FRMD4A: variants seen among roughly 807,000 people sequenced by gnomAD.
FRMD4A encodes the protein FERM domain-containing protein 4A.
FRMD4A carries 29 observed loss-of-function variants against 129.1 expected under a neutral mutation model. The observed-to-expected ratio is 0.22, with a 90% confidence interval of 0.17 to 0.31. The LOEUF (loss-of-function observed/expected upper bound fraction) is 0.31. Ranked by LOEUF, FRMD4A falls within the 10% of genes least tolerant of loss-of-function variation. The probability of loss-of-function intolerance (pLI) is 1.00; values close to 1 mark genes in which losing one functional copy is unlikely to be tolerated. For synonymous variants in FRMD4A, 634 were observed against 571.6 expected, an observed-to-expected ratio of 1.11 and a Z score of -1.56; for missense variants, 1,272 against 1,375.8, an observed-to-expected ratio of 0.92 and a Z score of 1.19.
intron 2 of FRMD4A, among the ~76,000 whole-genome samples, chr10:14,041,615 C>T (rs757446254): frequency 3.9e-5 from 6 of 152,138 alleles, no homozygotes; most frequent in Non-Finnish European, 8.8e-5. Context: ...ATTTTCATAG[C>T]AGGACTATTC....
intron 2 of FRMD4A, among the ~76,000 whole-genome samples, chr10:14,316,417 C>T (rs1188245108): frequency 2.0e-5 from 3 of 148,430 alleles, no homozygotes; most frequent in Admixed American, 6.9e-5. Context: ...GCCCATTCCT[C>T]GATCTTGGAT....
chr10:13,896,557 A>G (rs1035805583), intron 2 of FRMD4A, among the ~76,000 whole-genome samples: 1 of 152,114 alleles, frequency 6.6e-6, no homozygotes, highest in African/African-American at 2.4e-5. Flanking sequence ...ATTAGGACAG[A>G]TACCTAATGC....
chr10:13,792,989 C>A (rs2093036167), intron 5 of FRMD4A, among the ~76,000 whole-genome samples: 1 of 152,190 alleles, frequency 6.6e-6, no homozygotes, highest in African/African-American at 2.4e-5. Context: ...TTTTCCTAAT[C>A]TGTTGAATGG....
At chr10:13,722,678 G>A (rs2089533463) in intron 12 of FRMD4A, among the ~76,000 whole-genome samples, 1 of 152,194 alleles carries the variant, frequency 6.6e-6, no homozygotes, top group Non-Finnish European at 1.5e-5. Context: ...TGGAAGTTCT[G>A]GCTGACATTT....
At chr10:13,935,883 T>C (rs1048840987) in intron 2 of FRMD4A, among the ~76,000 whole-genome samples, 2 of 151,954 alleles carry the variant, frequency 1.3e-5, no homozygotes, top group Non-Finnish European at 2.9e-5. Flanking sequence ...CAAGTCTGTC[T>C]AACTCTAGAA....
At chr10:13,771,308 C>T (rs2092448082) in intron 6 of FRMD4A, among the ~76,000 whole-genome samples, 1 of 152,010 alleles carries the variant, frequency 6.6e-6, no homozygotes, top group South Asian at 2.1e-4. Context: ...AACTCCTGGC[C>T]TCAAGCCAAC....
At chr10:13,663,189 CAAA>C (rs35995959) in intron 19 of FRMD4A, among the ~76,000 whole-genome samples, 16 of 131,060 alleles carry the variant, frequency 1.2e-4, no homozygotes, top group Non-Finnish European at 1.2e-4. Flanking sequence ...GACCCTGTCT[CAAA>C]AAAAAAAAAA....
Position 13,644,651 on chromosome 10 carries a change from G to A in FRMD4A, c.*2387C>T, listed in dbSNP as rs772617196. 1.3e-5 allele frequency: 2 copies of A among 152,210 alleles called. No individual in the cohort carries two copies. Among genetic ancestry groups the A allele is most frequent in the African/African-American group, 4.8e-5 (2 of 41,446 alleles). 9.4% of individuals were successfully genotyped at this position (152,210 alleles called of 1,614,324 possible). A position where few individuals can be genotyped will look rare whatever the true frequency, so the allele number is the denominator to read the frequency against. ...TAGATTTCAAGCTACTATGCATGAT[G>A]TAGAACATGTAACCATGTAACCTCA... is the stretch of plus-strand genomic sequence containing the variant. On this transcript the variant is annotated 3_prime_UTR_variant, in exon 25 of 25. Transcript: ENST00000357447.
At chr10:14,007,691 CTAA>C (rs1218841808) in intron 2 of FRMD4A, among the ~76,000 whole-genome samples, 1 of 152,216 alleles carries the variant, frequency 6.6e-6, no homozygotes, top group Admixed American at 6.5e-5. Flanking sequence ...CCCTGCTGCT[CTAA>C]TGAGTATGTT....
At chr10:13,728,733 GC>G (rs1822990729) in intron 12 of FRMD4A, among the ~76,000 whole-genome samples, 1 of 151,786 alleles carries the variant, frequency 6.6e-6, no homozygotes, top group Non-Finnish European at 1.5e-5. Flanking sequence ...ACCACGCCCA[GC>G]TAATTTTTGT....
At chr10:14,109,720 T>G (rs545782530) in intron 2 of FRMD4A, among the ~76,000 whole-genome samples, 1 of 152,164 alleles carries the variant, frequency 6.6e-6, no homozygotes, top group South Asian at 2.1e-4. Flanking sequence ...GCTTGTAATC[T>G]CAGCACTTTG....
chr10:14,023,949 A>T (rs947449572), intron 2 of FRMD4A, among the ~76,000 whole-genome samples: 24 of 152,290 alleles, frequency 1.6e-4, no homozygotes, highest in African/African-American at 5.3e-4. Flanking sequence ...TCTAAAAAAA[A>T]AATTAGCATT....
At position 13,913,960 on chromosome 10, in the gene FRMD4A, G is replaced by A. The variant is rs927942521; in HGVS notation, c.46-55048C>T. Among the ~76,000 whole-genome samples, 48 of 152,200 alleles carry A rather than the reference G, an allele frequency of 3.2e-4. 1 individual carries two copies. The highest frequency in any genetic ancestry group is 2.7e-3 in the Admixed American group (41 of 15,276). ...TCTAAGAGACAACCATAGTGACTGG[G>A]GGAAGAGCTGGGAGGTGAACTTGGC... On this transcript the variant is annotated intron_variant, in intron 2 of 24. Transcript: ENST00000357447.
intron 2 of FRMD4A, among the ~76,000 whole-genome samples, chr10:13,932,024 A>C (rs1410232351): frequency 6.6e-6 from 1 of 152,164 alleles, no homozygotes; most frequent in African/African-American, 2.4e-5. Flanking sequence ...TAGAAACATA[A>C]AGATGAAGAA....
intron 2 of FRMD4A, among the ~76,000 whole-genome samples, chr10:14,084,001 GGCACGTGTTTTA>G (rs1193409681): frequency 6.6e-6 from 1 of 152,136 alleles, no homozygotes; most frequent in Non-Finnish European, 1.5e-5. Context: ...ATAGTAAACG[GGCACGTGTTTTA>G]GCCCTTTTAG....
At chr10:13,941,980 G>A (rs1247460700) in intron 2 of FRMD4A, among the ~76,000 whole-genome samples, 1 of 152,160 alleles carries the variant, frequency 6.6e-6, no homozygotes, top group African/African-American at 2.4e-5. Context: ...GCACATGGTG[G>A]ACCACAGCAG....
rs150592999 is a variant in FRMD4A, at chr10:13,954,377, G to C, written c.46-95465C>G. Among the ~76,000 whole-genome samples the C allele has an allele frequency of 3.2e-3, 494 of 152,324 alleles. 5 individuals carry two copies. Among genetic ancestry groups the C allele is most frequent in the African/African-American group, 0.011 (470 of 41,554 alleles). ...GTCTTACATGGCAGCAGGCAAGAGAGAGCGTGTGCGGGGGAACTCACACGT... is the reference window on the plus strand; with the variant it reads ...GTCTTACATGGCAGCAGGCAAGAGACAGCGTGTGCGGGGGAACTCACACGT... On this transcript the variant is annotated intron_variant, in intron 2 of 24. Coordinates refer to ENST00000357447, the MANE Select transcript of FRMD4A (RefSeq NM_018027.5).
At chr10:13,925,338 T>C (rs775784117) in intron 2 of FRMD4A, among the ~76,000 whole-genome samples, 45 of 152,216 alleles carry the variant, frequency 3.0e-4, no homozygotes, top group Admixed American at 1.1e-3. Context: ...ACTTCTATTA[T>C]CAATCAAAAG....
chr10:14,278,193 C>T (rs1301293445), intron 2 of FRMD4A, among the ~76,000 whole-genome samples: 7 of 152,176 alleles, frequency 4.6e-5, no homozygotes, highest in Admixed American at 4.6e-4. Flanking sequence ...TCAGGTCACT[C>T]AGTAACTGAG....
Sources: allele counts gnomAD v4.1 joint callset (sites outside exome capture counted in the v4.1 genomes callset), GRCh38; gene constraint gnomAD v4.1.1; transcripts MANE v1.5; gene names NCBI Gene and HGNC (gene_info 2026-07-23, HGNC 2026-07-21).